The following HEATR6 variants were observed in gnomAD, a reference collection of about 807,000 sequenced individuals.
HEATR6 encodes HEAT repeat-containing protein 6.
In HEATR6, 106 loss-of-function variants were observed where a neutral mutation model predicts 132.8. That is an observed-to-expected ratio of 0.80 (90% confidence interval 0.68 to 0.94). The LOEUF (loss-of-function observed/expected upper bound fraction) is 0.94, where lower values mean the gene tolerates loss of function less well. Ranked by LOEUF, HEATR6 falls within the 40% of genes least tolerant of loss-of-function variation. HEATR6 has a pLI of 0.00. For missense variants in HEATR6, 1,339 were observed against 1,425.1 expected (o/e 0.94, Z 0.97); for synonymous variants, 529 against 537.8 (o/e 0.98, Z 0.23).
intron 5 of HEATR6, 72 bp downstream of exon 5, chr17:60,072,143 G>T (rs1165092919): frequency 3.1e-6 from 2 of 644,592 alleles, no homozygotes; most frequent in Admixed American, 2.9e-5. Context: ...AATTAAACTC[G>T]TTAGTAACAC....
At chr17:60,073,680 C>A in intron 3 of HEATR6, 66 bp downstream of exon 3, 1 of 1,484,032 alleles carries the variant, frequency 6.7e-7, no homozygotes, top group Non-Finnish European at 9.2e-7. Flanking sequence ...GAAACCTGAA[C>A]ACAGTGTTGG....
chr17:60,056,564 A>T (rs1906749961), intron 12 of HEATR6, among the ~76,000 whole-genome samples: 1 of 152,182 alleles, frequency 6.6e-6, no homozygotes, highest in African/African-American at 2.4e-5. Context: ...TGCCCAGTTA[A>T]TCAGCAGCAG....
Position 60,041,747 on chromosome 17 carries a change from A to C in HEATR6, c.*1816T>G, listed in dbSNP as rs1291281215. Among the ~76,000 whole-genome samples the C allele has an allele frequency of 1.3e-5, 2 of 152,216 alleles. No individual in the cohort carries two copies. The highest frequency in any genetic ancestry group is 2.9e-5 in the Non-Finnish European group (2 of 68,040). ...ACTGCCCAGAGAGCAGTTTCTGAGC[A>C]GCCAACATGTCAGAGGCAGGAAAAC... On this transcript the variant is annotated 3_prime_UTR_variant, in exon 20 of 20. Coordinates refer to ENST00000184956, the MANE Select transcript of HEATR6 (RefSeq NM_022070.5).
In HEATR6 at chr17:60,050,921, A is replaced by AT. The variant is rs1326793765; in HGVS notation, c.2345dup (p.Asn782LysfsTer13). 1 of 1,614,068 alleles carries AT rather than the reference A, an allele frequency of 6.2e-7. No individual in the cohort carries two copies. The highest frequency in any genetic ancestry group is 8.5e-7 in the Non-Finnish European group (1 of 1,180,030). ...TCGCCTGGAGAGTTGGGTGTTCTGA[A>AT]TTCTGCAGGGCTCTGGGTAAAGGAC... is the stretch of plus-strand genomic sequence containing the variant. On this transcript the variant is annotated frameshift_variant, in exon 15 of 20. Transcript: ENST00000184956. LOFTEE classifies it high-confidence loss of function.
intron 17 of HEATR6, among the ~76,000 whole-genome samples, chr17:60,047,957 T>A (rs192371415): frequency 4.3e-4 from 65 of 152,314 alleles, no homozygotes; most frequent in Admixed American, 7.8e-4. Flanking sequence ...GAAATTTTTT[T>A]AAATGCATTT....
In HEATR6 at chr17:60,078,890, AACCG is replaced by A; in HGVS notation, c.21_24del (p.Gly8ArgfsTer89). On this transcript the variant is annotated frameshift_variant, in exon 1 of 20. Transcript: ENST00000184956. LOFTEE classifies it high-confidence loss of function. The stretch of plus-strand genomic sequence containing the variant: ...TCCCGCGGCTGCACGGAAGGCCACG[AACCG>A]ACAACTTGCACAGCAGCCATCTTTT... The A allele has an allele frequency of 7.5e-7, 1 of 1,331,512 alleles. No homozygotes were observed. Among genetic ancestry groups the A allele is most frequent in the Non-Finnish European group, 9.9e-7 (1 of 1,013,940 alleles). 82.5% of individuals were successfully genotyped at this position (1,331,512 alleles called of 1,614,324 possible). A position where few individuals can be genotyped will look rare whatever the true frequency, so the allele number is the denominator to read the frequency against.
chr17:60,068,981 ACAG>A (rs2083256327), intron 7 of HEATR6, among the ~76,000 whole-genome samples: 1 of 152,254 alleles, frequency 6.6e-6, no homozygotes, highest in African/African-American at 2.4e-5. Flanking sequence ...CGTCTGGAAC[ACAG>A]CAGATGTTGG....
intron 6 of HEATR6, 93 bp from the exon 7 acceptor site, chr17:60,069,941 T>A: frequency 4.9e-6 from 7 of 1,442,184 alleles, no homozygotes. Flanking sequence ...CTATTTACCA[T>A]GTCTGGATCA....
rs753819015 is a variant in HEATR6, at chr17:60,066,360, C to T, written c.1265G>A (p.Gly422Glu). ...MRSYQAKVRQ[G>E]ALVCFLSTIK... ...AGTAGAAAGAAAACAAACTAAGGCT[C>T]CTTGGCGAACTTTAGCTTGGTAAGA... Residue 422 changes from glycine (G) to glutamate (E), a missense_variant, in exon 9 of 20, where the codon GGA (glycine) becomes GAA (glutamate). Transcript: ENST00000184956. 6.2e-7 allele frequency: 1 copy of T among 1,610,910 alleles called. No individual in the cohort carries two copies. The highest frequency in any genetic ancestry group is 8.5e-7 in the Non-Finnish European group (1 of 1,179,052).
At chr17:60,077,468 C>T (rs149734804) in intron 1 of HEATR6, among the ~76,000 whole-genome samples, 68 of 152,260 alleles carry the variant, frequency 4.5e-4, no homozygotes, top group African/African-American at 1.6e-3. Flanking sequence ...CAAAAGTCCC[C>T]GACTACTGCC....
chr17:60,050,005 A>G (rs1906525667), intron 15 of HEATR6, among the ~76,000 whole-genome samples: 1 of 152,210 alleles, frequency 6.6e-6, no homozygotes, highest in South Asian at 2.1e-4. Flanking sequence ...ACCAAAGAAA[A>G]AAAGCAGTCT....
Position 60,073,843 on chromosome 17 carries a change from G to C in HEATR6, c.371C>G (p.Thr124Ser). The C allele has an allele frequency of 6.2e-7, 1 of 1,613,956 alleles. No homozygotes were observed. The highest frequency in any genetic ancestry group is 8.5e-7 in the Non-Finnish European group (1 of 1,179,814). The change falls in exon 3 of 20, where the codon ACT (threonine) becomes AGT (serine). Residue 124 changes from threonine to serine, a missense_variant. Thr to Ser is a moderately conservative substitution (Grantham distance 58, BLOSUM62 1). Transcript: ENST00000184956. ...EQHLDFLLAY[T>S]ISAIHQCSSW... ...ACTACACTGATGAATAGCCGAAATA[G>C]TATATGCCAACAGGAAATCCAAGTG...
At chr17:60,049,196 T>C (rs1478498396) in intron 16 of HEATR6, among the ~76,000 whole-genome samples, 1 of 150,750 alleles carries the variant, frequency 6.6e-6, no homozygotes, top group African/African-American at 2.5e-5. Flanking sequence ...TGGTATGATC[T>C]CTGCTCATTA....
chr17:60,048,985 T>A (rs1319444421), intron 16 of HEATR6, among the ~76,000 whole-genome samples: 12 of 36,764 alleles, frequency 3.3e-4, no homozygotes, highest in South Asian at 9.8e-4. Flanking sequence ...ATATATATAA[T>A]ATATATATAT....
At chr17:60,065,790 G>A (rs2145195786) in intron 9 of HEATR6, among the ~76,000 whole-genome samples, 1 of 152,194 alleles carries the variant, frequency 6.6e-6, no homozygotes, top group Admixed American at 6.5e-5. Context: ...GAACATTTTG[G>A]GCATTTTTCT....
chr17:60,057,754 A>G (rs530103475), intron 11 of HEATR6, among the ~76,000 whole-genome samples: 1 of 152,362 alleles, frequency 6.6e-6, no homozygotes, highest in East Asian at 1.9e-4. Context: ...CATAATAACT[A>G]AATGCAATGC....
At chr17:60,060,638 C>G (rs1292503011) in intron 9 of HEATR6, among the ~76,000 whole-genome samples, 3 of 152,196 alleles carry the variant, frequency 2.0e-5, no homozygotes, top group East Asian at 3.9e-4. Flanking sequence ...TGCCTAGAGT[C>G]TGTTTCCTAT....
intron 4 of HEATR6, 53 bp downstream of exon 4, chr17:60,073,111 C>A: frequency 9.7e-7 from 1 of 1,031,520 alleles, no homozygotes; most frequent in Non-Finnish European, 1.5e-6. Flanking sequence ...TACAAAGGGC[C>A]CAATAGAGGC....
At chr17:60,072,457 A>T in intron 4 of HEATR6, 128 bp from the exon 5 acceptor site, 2 of 462,766 alleles carry the variant, frequency 4.3e-6, no homozygotes, top group Non-Finnish European at 7.8e-6. Context: ...CAACTATGCT[A>T]TGGAAAATTA....
Sources: allele counts gnomAD v4.1 joint callset (sites outside exome capture counted in the v4.1 genomes callset), GRCh38; gene constraint gnomAD v4.1.1; transcripts MANE v1.5; gene names NCBI Gene and HGNC (gene_info 2026-07-23, HGNC 2026-07-21).